Variants in CSMD1 observed in about 807,000 individuals in gnomAD.
The protein encoded by CSMD1 is CUB and sushi domain-containing protein 1.
A neutral mutation model predicts 417.5 loss-of-function variants in CSMD1; 213 were observed. The ratio of observed to expected loss-of-function variants is 0.51; its 90% CI spans 0.46 to 0.57. The LOEUF (loss-of-function observed/expected upper bound fraction) is 0.57. CSMD1 is among the 20% of genes least tolerant of loss of function. The probability of loss-of-function intolerance (pLI) is 0.00; values close to 1 mark genes in which losing one functional copy is unlikely to be tolerated. For missense variants in CSMD1, 6,923 were observed against 4,529.7 expected, an observed-to-expected ratio of 1.53 and a Z score of -15.17; for synonymous variants, 2,862 against 1,736.8, an observed-to-expected ratio of 1.65 and a Z score of -16.11.
intron 5 of CSMD1, among the ~76,000 whole-genome samples, chr8:3,838,989 C>T (rs1194309527): frequency 3.3e-5 from 4 of 121,512 alleles, no homozygotes; most frequent in African/African-American, 1.2e-4. Flanking sequence ...TATTATATAT[C>T]ATATAATTAT....
intron 7 of CSMD1, among the ~76,000 whole-genome samples, chr8:3,678,775 T>G (rs144094316): frequency 0.15 from 22,612 of 152,018 alleles, 1,999 homozygotes; most frequent in South Asian, 0.22. Flanking sequence ...AAATGTTAAG[T>G]GCAGCCAGAG....
chr8:3,386,061 G>T (rs1810983425), intron 18 of CSMD1, among the ~76,000 whole-genome samples: 1 of 152,102 alleles, frequency 6.6e-6, no homozygotes, highest in African/African-American at 2.4e-5. Flanking sequence ...TTGGTAAGTG[G>T]CAAAATGATA....
At chr8:4,451,980 A>T (rs540001559) in intron 2 of CSMD1, among the ~76,000 whole-genome samples, 17 of 149,242 alleles carry the variant, frequency 1.1e-4, no homozygotes, top group Admixed American at 9.4e-4. Context: ...TTTGATATAC[A>T]TATAGTTTGA....
chr8:3,823,444 T>C (rs1013003088), intron 5 of CSMD1, among the ~76,000 whole-genome samples: 49 of 152,188 alleles, frequency 3.2e-4, no homozygotes, highest in African/African-American at 1.2e-3. Context: ...GGAAAGGAAG[T>C]ATAAAACGTT....
At chr8:3,826,115 G>C (rs1309373498) in intron 5 of CSMD1, among the ~76,000 whole-genome samples, 4 of 152,002 alleles carry the variant, frequency 2.6e-5, no homozygotes, top group African/African-American at 4.8e-5. Flanking sequence ...CAATAAACCG[G>C]CCGTCAGCAG....
At chr8:4,104,419 C>G (rs1774190772) in intron 3 of CSMD1, among the ~76,000 whole-genome samples, 1 of 144,686 alleles carries the variant, frequency 6.9e-6, no homozygotes, top group South Asian at 2.2e-4. Context: ...CACACGCACA[C>G]ACACATGCGC....
chr8:3,615,079 C>T (rs1357055194), intron 8 of CSMD1, among the ~76,000 whole-genome samples: 1 of 152,168 alleles, frequency 6.6e-6, no homozygotes, highest in African/African-American at 2.4e-5. Context: ...CAAATGACTG[C>T]TGTTTTCTAA....
intron 57 of CSMD1, among the ~76,000 whole-genome samples, chr8:2,971,949 T>G (rs543393159): frequency 5.9e-5 from 9 of 152,134 alleles, no homozygotes; most frequent in Non-Finnish European, 1.2e-4. Flanking sequence ...ATCATGTTTG[T>G]GTGCACATAT....
At chr8:4,790,826 A>C (rs992480993) in intron 1 of CSMD1, among the ~76,000 whole-genome samples, 1 of 152,226 alleles carries the variant, frequency 6.6e-6, no homozygotes, top group Non-Finnish European at 1.5e-5. Context: ...ATATAAGAAA[A>C]TCAACACAAC....
intron 3 of CSMD1, among the ~76,000 whole-genome samples, chr8:4,364,950 C>T (rs186810525): frequency 8.8e-4 from 132 of 149,666 alleles, no homozygotes; most frequent in Middle Eastern, 3.7e-3. Context: ...CCGACAAAAA[C>T]GTGCAAGGGA....
intron 4 of CSMD1, among the ~76,000 whole-genome samples, chr8:4,026,783 T>C (rs889814574): frequency 6.6e-6 from 1 of 152,324 alleles, no homozygotes; most frequent in Admixed American, 6.5e-5. Flanking sequence ...AGATTTAAGT[T>C]TGAAGTTGAC....
intron 3 of CSMD1, among the ~76,000 whole-genome samples, chr8:4,198,317 C>T (rs904834327): frequency 2.0e-5 from 3 of 152,194 alleles, no homozygotes; most frequent in Non-Finnish European, 2.9e-5. Context: ...CTGGCAAGCC[C>T]GACAAGAGTA....
chr8:4,376,592 G>C (rs568885521), intron 3 of CSMD1, among the ~76,000 whole-genome samples: 1 of 151,480 alleles, frequency 6.6e-6, no homozygotes, highest in East Asian at 1.9e-4. Flanking sequence ...CATTGAGTTA[G>C]TCTGACAATT....
intron 3 of CSMD1, among the ~76,000 whole-genome samples, chr8:4,138,342 C>T (rs79836576): frequency 0.03 from 4,555 of 151,188 alleles, 359 homozygotes; most frequent in African/African-American, 0.11. Context: ...TGAGTTGTGG[C>T]AAAGCTGGGG....
chr8:3,367,345 G>C (rs6990943), intron 19 of CSMD1, 98 bp from the exon 20 acceptor site: 1 of 723,120 alleles, frequency 1.4e-6, no homozygotes, highest in South Asian at 1.7e-5. Flanking sequence ...CAGAGACATA[G>C]AGATGACAGA....
intron 11 of CSMD1, among the ~76,000 whole-genome samples, chr8:3,481,601 A>G (rs556519756): frequency 6.6e-6 from 1 of 152,176 alleles, no homozygotes; most frequent in Non-Finnish European, 1.5e-5. Context: ...TAAGTTAAGG[A>G]TCGAAATGTG....
chr8:3,216,754 T>A (rs957716328), intron 29 of CSMD1, among the ~76,000 whole-genome samples: 1 of 152,256 alleles, frequency 6.6e-6, no homozygotes, highest in Admixed American at 6.5e-5. Context: ...TATGCATACC[T>A]TTGAGCTTTC....
chr8:4,050,409 TATTTA>T (rs1585207704), intron 3 of CSMD1, among the ~76,000 whole-genome samples: 3 of 151,982 alleles, frequency 2.0e-5, no homozygotes, highest in Admixed American at 6.6e-5. Context: ...TTTAAAATTT[TATTTA>T]ATTTTTGTTT....
chr8:3,400,184 C>A (rs911214255), intron 15 of CSMD1, among the ~76,000 whole-genome samples: 3 of 152,092 alleles, frequency 2.0e-5, no homozygotes, highest in African/African-American at 7.2e-5. Flanking sequence ...TTATGCATAC[C>A]TGTATCATCT....
Sources: gnomAD v4.1 joint callset for allele counts (sites outside exome capture counted in the v4.1 genomes callset) on GRCh38, gnomAD v4.1.1 for gene constraint, MANE v1.5 for transcripts, NCBI Gene and HGNC (gene_info 2026-07-23, HGNC 2026-07-21) for gene names.